The following SLC14A2 variants were observed in gnomAD, a reference collection of about 807,000 sequenced individuals.
The protein encoded by SLC14A2 is urea transporter 2.
A neutral mutation model predicts 104.6 loss-of-function variants in SLC14A2; 91 were observed. That is an observed-to-expected ratio of 0.87 (90% CI 0.73 to 1.04). The LOEUF (loss-of-function observed/expected upper bound fraction) is 1.04. SLC14A2 is among the 50% of genes least tolerant of loss of function. The pLI, the probability that SLC14A2 is intolerant of heterozygous loss-of-function variation, is 0.00. For missense variants in SLC14A2, 1,189 were observed against 1,156.0 expected, an observed-to-expected ratio of 1.03 and a Z score of -0.41; for synonymous variants, 476 against 466.4, an observed-to-expected ratio of 1.02 and a Z score of -0.27.
chr18:45,420,756 T>C (rs1355531774), intron 1 of SLC14A2, among the ~76,000 whole-genome samples: 1 of 151,722 alleles, frequency 6.6e-6, no homozygotes, highest in Non-Finnish European at 1.5e-5. Context: ...TTATTTTTTT[T>C]TTTGAGACGG....
At chr18:45,382,234 A>G (rs921460078) in intron 1 of SLC14A2, among the ~76,000 whole-genome samples, 3 of 152,162 alleles carry the variant, frequency 2.0e-5, no homozygotes, top group African/African-American at 7.2e-5. Flanking sequence ...TGCTTAAGTT[A>G]TTGCTATCAG....
At chr18:45,293,721 G>A (rs188508789) in intron 1 of SLC14A2, among the ~76,000 whole-genome samples, 3 of 152,258 alleles carry the variant, frequency 2.0e-5, no homozygotes, top group East Asian at 3.9e-4. Flanking sequence ...GTTTCTTTAC[G>A]AAGAGGTTGT....
chr18:45,184,401 A>C, the SLC14A2 span, among the ~76,000 whole-genome samples: 14 of 152,354 alleles, frequency 9.2e-5, no homozygotes, highest in Admixed American at 9.2e-4. Flanking sequence ...ATTTAAGTTC[A>C]TAAGCAGAGG....
At chr18:45,627,184 T>G in intron 4 of SLC14A2, 37 bp downstream of exon 4, 1 of 1,583,948 alleles carries the variant, frequency 6.3e-7, no homozygotes, top group Non-Finnish European at 8.7e-7. Flanking sequence ...GCAAGATGTG[T>G]GGAACAGAAA....
chr18:45,261,916 T>G (rs1259579090), intron 1 of SLC14A2, among the ~76,000 whole-genome samples: 1 of 152,224 alleles, frequency 6.6e-6, no homozygotes, highest in Non-Finnish European at 1.5e-5. Flanking sequence ...CCTTTGGGTA[T>G]ATACCCAGTA....
chr18:45,213,276 A>G (rs2143970366), intron 1 of SLC14A2: 2 of 152,266 alleles, frequency 1.3e-5, no homozygotes, highest in Middle Eastern at 6.8e-3. Flanking sequence ...TGGCTTTCTG[A>G]ATTCACTAAA....
intron 16 of SLC14A2, among the ~76,000 whole-genome samples, chr18:45,670,687 G>C (rs1374415825): frequency 2.0e-5 from 3 of 152,296 alleles, no homozygotes; most frequent in East Asian, 3.9e-4. Context: ...CAGAGATAGA[G>C]TCTCATTCTG....
intron 2 of SLC14A2, among the ~76,000 whole-genome samples, chr18:45,556,639 AAG>A (rs1275749288): frequency 3.3e-5 from 5 of 152,224 alleles, no homozygotes; most frequent in African/African-American, 1.2e-4. Flanking sequence ...GATTCGTGTG[AAG>A]ATTAAATGAG....
At chr18:45,416,420 G>C (rs765970853) in intron 1 of SLC14A2, among the ~76,000 whole-genome samples, 1 of 152,016 alleles carries the variant, frequency 6.6e-6, no homozygotes, top group Non-Finnish European at 1.5e-5. Context: ...TACGCTCTTT[G>C]GCTAAACAGC....
chr18:45,420,438 A>G (rs911923743), intron 1 of SLC14A2, among the ~76,000 whole-genome samples: 1 of 152,110 alleles, frequency 6.6e-6, no homozygotes, highest in Non-Finnish European at 1.5e-5. Flanking sequence ...CCACACGAGG[A>G]TGGTGTGGGA....
chr18:45,230,300 A>C (rs1311532235), intron 1 of SLC14A2, among the ~76,000 whole-genome samples: 2 of 152,250 alleles, frequency 1.3e-5, no homozygotes, highest in Admixed American at 1.3e-4. Flanking sequence ...GAAGTCGAAC[A>C]TGGGCCTTGC....
At chr18:45,288,341 C>T (rs1267591250) in intron 1 of SLC14A2, among the ~76,000 whole-genome samples, 1 of 152,234 alleles carries the variant, frequency 6.6e-6, no homozygotes, top group Non-Finnish European at 1.5e-5. Context: ...TGAGCTGCCT[C>T]ACCCTAGACT....
intron 1 of SLC14A2, among the ~76,000 whole-genome samples, chr18:45,479,970 A>G (rs143106679): frequency 3.9e-5 from 6 of 152,306 alleles, no homozygotes; most frequent in Non-Finnish European, 7.3e-5. Flanking sequence ...ATGGGTGTGG[A>G]ATAGTGGATG....
chr18:45,610,552 A>G (rs2044956256), upstream of SLC14A2, among the ~76,000 whole-genome samples: 1 of 152,164 alleles, frequency 6.6e-6, no homozygotes, highest in Non-Finnish European at 1.5e-5. Flanking sequence ...GTTCACATCC[A>G]CTGAACACTG....
intron 2 of SLC14A2, among the ~76,000 whole-genome samples, chr18:45,515,993 AG>A (rs2043435147): frequency 1.3e-5 from 2 of 152,236 alleles, no homozygotes; most frequent in Admixed American, 6.5e-5. Context: ...GTGAAGTTTT[AG>A]TATTAATAAC....
intron 1 of SLC14A2, among the ~76,000 whole-genome samples, chr18:45,289,637 C>G (rs1276619801): frequency 6.6e-6 from 1 of 152,032 alleles, no homozygotes; most frequent in East Asian, 1.9e-4. Context: ...AAATGAAAAA[C>G]TCCTTTGGCA....
intron 10 of SLC14A2, among the ~76,000 whole-genome samples, chr18:45,651,278 G>A (rs186137053): frequency 6.6e-6 from 1 of 152,236 alleles, no homozygotes; most frequent in African/African-American, 2.4e-5. Context: ...AGGGTCTTTG[G>A]CAAAGGAGGG....
chr18:45,473,692 T>C (rs893104008), intron 1 of SLC14A2, among the ~76,000 whole-genome samples: 2 of 152,210 alleles, frequency 1.3e-5, no homozygotes, highest in African/African-American at 2.4e-5. Context: ...CTATGATTGA[T>C]GTATAGGAAT....
intron 1 of SLC14A2, among the ~76,000 whole-genome samples, chr18:45,272,787 A>G (rs1301901433): frequency 6.6e-6 from 1 of 152,102 alleles, no homozygotes; most frequent in Non-Finnish European, 1.5e-5. Flanking sequence ...CAAAGGATAA[A>G]TGCTTGAGGG....
Sources: allele counts gnomAD v4.1 joint callset (sites outside exome capture counted in the v4.1 genomes callset), GRCh38; gene constraint gnomAD v4.1.1; transcripts MANE v1.5; gene names NCBI Gene and HGNC (gene_info 2026-07-23, HGNC 2026-07-21).